Variants in BRINP1 observed in about 807,000 individuals in gnomAD.
BRINP1 encodes the protein BMP/retinoic acid-inducible neural-specific protein 1.
A neutral mutation model predicts 72.9 loss-of-function variants in BRINP1; 17 were observed. That is an observed-to-expected ratio of 0.23 (90% confidence interval 0.16 to 0.35). BRINP1 has a LOEUF of 0.35. Among genes scored for constraint, BRINP1 ranks in the 10% least tolerant of loss-of-function variants. BRINP1 has a pLI of 1.00. For synonymous variants in BRINP1, 418 were observed against 378.5 expected (o/e 1.10, Z -1.21); for missense variants, 850 against 1,001.6 (o/e 0.85, Z 2.04).
rs62568658 is a variant in BRINP1 at position 119,183,745 on chromosome 9, T to A, written c.1146-15521A>T. On this transcript the variant is annotated intron_variant, in intron 7 of 7. Transcript: ENST00000265922. ...AACTTTCTGAAGCTCTTCTGTTTGT[T>A]CTCTAATTTTGATCCTCACAATTGA... Among the ~76,000 whole-genome samples the A allele has an allele frequency of 8.4e-3, 1,273 of 152,330 alleles. 12 individuals carry two copies. Among genetic ancestry groups the A allele is most frequent in the Middle Eastern group, 0.051 (15 of 294 alleles).
chr9:119,268,247 AATAGATAGATAGATAGATAGATAG>A (rs61056780), intron 2 of BRINP1, among the ~76,000 whole-genome samples: 6 of 95,506 alleles, frequency 6.3e-5, no homozygotes, highest in African/African-American at 1.4e-4. Context: ...TGTCTCAATA[AATAGATAGATAGATAGATAGATAG>A]ATAGATAGAT....
At chr9:119,272,229 C>T (rs2118952666) in intron 2 of BRINP1, among the ~76,000 whole-genome samples, 1 of 151,928 alleles carries the variant, frequency 6.6e-6, no homozygotes, top group South Asian at 2.1e-4. Flanking sequence ...GTAGCAGGTG[C>T]CCGCCACCAT....
At chr9:119,286,647 G>A (rs1830764217) in intron 2 of BRINP1, among the ~76,000 whole-genome samples, 1 of 152,232 alleles carries the variant, frequency 6.6e-6, no homozygotes, top group African/African-American at 2.4e-5. Flanking sequence ...ATGTAGCTGT[G>A]TAGACATAGC....
intron 2 of BRINP1, among the ~76,000 whole-genome samples, chr9:119,287,245 C>T (rs2118968891): frequency 6.6e-6 from 1 of 152,288 alleles, no homozygotes; most frequent in Non-Finnish European, 1.5e-5. Flanking sequence ...AGGAACAGTT[C>T]TTGAATAACT....
chr9:119,339,142 T>C (rs890419385), intron 1 of BRINP1, among the ~76,000 whole-genome samples: 3 of 152,190 alleles, frequency 2.0e-5, no homozygotes, highest in Non-Finnish European at 4.4e-5. Context: ...ATCCAGGTAG[T>C]AAATATTTTA....
At chr9:119,315,667 G>A (rs1261160746) in intron 1 of BRINP1, among the ~76,000 whole-genome samples, 1 of 152,184 alleles carries the variant, frequency 6.6e-6, no homozygotes, top group East Asian at 1.9e-4. Context: ...CTGGAAGCTA[G>A]GGCTCTTGCA....
chr9:119,205,867 C>T (rs1259234243), intron 7 of BRINP1, among the ~76,000 whole-genome samples: 1 of 152,140 alleles, frequency 6.6e-6, no homozygotes, highest in Non-Finnish European at 1.5e-5. Flanking sequence ...ACATGGCCCT[C>T]CTCAATCAGA....
Position 119,242,224 on chromosome 9 carries a change from G to A in BRINP1, c.410-8C>T, listed in dbSNP as rs756163991. 4 of 1,612,982 alleles carry A rather than the reference G, an allele frequency of 2.5e-6. No individual in the cohort carries two copies. Among genetic ancestry groups the A allele is most frequent in the Middle Eastern group, 1.7e-4 (1 of 6,038 alleles). ...TGGTCAAAGCCTCCTCCCCTGGATG[G>A]GAAAGAAAAGTAGATAAGAAGGTTT... On this transcript the variant is annotated splice_polypyrimidine_tract_variant and splice_region_variant and intron_variant, in intron 3 of 7. Coordinates refer to ENST00000265922, the MANE Select transcript of BRINP1 (RefSeq NM_014618.3).
intron 5 of BRINP1, among the ~76,000 whole-genome samples, chr9:119,217,111 T>C (rs1829985938): frequency 6.6e-6 from 1 of 152,168 alleles, no homozygotes; most frequent in African/African-American, 2.4e-5. Context: ...CACACAGCAG[T>C]CACAGACAGA....
chr9:119,258,506 T>G (rs550581348), intron 2 of BRINP1, among the ~76,000 whole-genome samples: 1 of 152,156 alleles, frequency 6.6e-6, no homozygotes, highest in Non-Finnish European at 1.5e-5. Flanking sequence ...ATACACTCCA[T>G]GCACTGGAAC....
chr9:119,361,939 GA>G (rs1831638619), intron 1 of BRINP1, among the ~76,000 whole-genome samples: 1 of 151,640 alleles, frequency 6.6e-6, no homozygotes, highest in African/African-American at 2.4e-5. Context: ...GAGTAGCTGG[GA>G]TTACAAGCAC....
At chr9:119,334,410 GC>G (rs1225030509) in intron 1 of BRINP1, among the ~76,000 whole-genome samples, 1 of 152,184 alleles carries the variant, frequency 6.6e-6, no homozygotes, top group Non-Finnish European at 1.5e-5. Flanking sequence ...GAAGTAGTGT[GC>G]CTAAGATTAC....
intron 4 of BRINP1, among the ~76,000 whole-genome samples, chr9:119,239,891 C>T (rs1480465502): frequency 1.3e-5 from 2 of 151,768 alleles, no homozygotes; most frequent in African/African-American, 4.8e-5. Context: ...GAGAGTAAAA[C>T]TTACCAATTT....
Position 119,195,528 on chromosome 9 carries a change from A to C in BRINP1, c.1145+13191T>G, listed in dbSNP as rs934432848. ...CATCATCAGTGTGAAAGCCCTTTGCAAACTTTAAAGTAATCTATACATAAG... is the reference window on the plus strand; with the variant it reads ...CATCATCAGTGTGAAAGCCCTTTGCCAACTTTAAAGTAATCTATACATAAG... On this transcript the variant is annotated intron_variant, in intron 7 of 7. Coordinates refer to ENST00000265922, the MANE Select transcript of BRINP1 (RefSeq NM_014618.3). Among the ~76,000 whole-genome samples, 11 of 152,250 alleles carry C rather than the reference A, an allele frequency of 7.2e-5. 1 individual carries two copies. The highest frequency in any genetic ancestry group is 2.1e-4 in the South Asian group (1 of 4,838).
chr9:119,335,704 C>T (rs1284278588), intron 1 of BRINP1, among the ~76,000 whole-genome samples: 1 of 152,138 alleles, frequency 6.6e-6, no homozygotes, highest in African/African-American at 2.4e-5. Flanking sequence ...GTGATTTGTT[C>T]AACAGGTACT....
chr9:119,249,217 A>T, intron 2 of BRINP1, 67 bp from the exon 3 acceptor site: 1 of 1,472,158 alleles, frequency 6.8e-7, no homozygotes, highest in Non-Finnish European at 9.2e-7. Context: ...AGTCCACCCA[A>T]CCATCCATCC....
chr9:119,217,314 AACACACAG>A (rs201161930), intron 5 of BRINP1, among the ~76,000 whole-genome samples: 6,436 of 148,936 alleles, frequency 0.043, 440 homozygotes, highest in African/African-American at 0.15. Flanking sequence ...CCAAAGACAC[AACACACAG>A]ACACACAGAC....
Position 119,369,330 on chromosome 9 carries a change from C to CTCGCTCTCTCCCTCTCTCGCGGGT in BRINP1, c.-349_-326dup. 2.5e-6 allele frequency: 1 copy of CTCGCTCTCTCCCTCTCTCGCGGGT among 398,788 alleles called. No homozygotes were observed. Among genetic ancestry groups the CTCGCTCTCTCCCTCTCTCGCGGGT allele is most frequent in the East Asian group, 3.6e-5 (1 of 28,062 alleles). 24.7% of individuals were successfully genotyped at this position (398,788 alleles called of 1,614,324 possible). Reference sequence around the variant, plus strand: ...TCGCTCTCGCTCTCGCTGTTGCTCGCTCGCTCTCTCCCTCTCTCGCGGGTT... The same window carrying CTCGCTCTCTCCCTCTCTCGCGGGT: ...TCGCTCTCGCTCTCGCTGTTGCTCGCTCGCTCTCTCCCTCTCTCGCGGGTTCGCTCTCTCCCTCTCTCGCGGGTT... On this transcript the variant is annotated 5_prime_UTR_variant, in exon 1 of 8. Coordinates refer to ENST00000265922, the MANE Select transcript of BRINP1 (RefSeq NM_014618.3).
At chr9:119,272,140 G>A (rs895814060) in intron 2 of BRINP1, among the ~76,000 whole-genome samples, 10 of 148,778 alleles carry the variant, frequency 6.7e-5, no homozygotes, top group African/African-American at 1.7e-4. Context: ...GTGCAGTGGC[G>A]CGATCTTGGC....
Sources: gnomAD v4.1 joint callset for allele counts (sites outside exome capture counted in the v4.1 genomes callset) on GRCh38, gnomAD v4.1.1 for gene constraint, MANE v1.5 for transcripts, NCBI Gene and HGNC (gene_info 2026-07-23, HGNC 2026-07-21) for gene names.